Variants in MMP26 observed in about 807,000 individuals in gnomAD.
The protein encoded by MMP26 is matrix metallopeptidase 26, also known as matrix metalloproteinase-26.
MMP26 carries 33 observed loss-of-function variants against 31.0 expected under a neutral mutation model. The observed-to-expected ratio is 1.06, with a 90% confidence interval of 0.81 to 1.42. The LOEUF (loss-of-function observed/expected upper bound fraction) is 1.42, where lower values mean the gene tolerates loss of function less well. MMP26 is among the 40% of genes most tolerant of loss of function. MMP26 has a pLI of 0.00. For synonymous variants in MMP26, 122 were observed against 114.9 expected (o/e 1.06, Z -0.40); for missense variants, 347 against 316.1 (o/e 1.10, Z -0.74).
intron 2 of MMP26, among the ~76,000 whole-genome samples, chr11:4,935,779 A>G (rs2133595422): frequency 6.6e-6 from 1 of 151,528 alleles, no homozygotes; most frequent in East Asian, 1.9e-4. Context: ...GAGAGTTTTT[A>G]GCATGAAGAG....
chr11:4,847,183 T>C (rs1849883815), intron 2 of MMP26, among the ~76,000 whole-genome samples: 1 of 152,212 alleles, frequency 6.6e-6, no homozygotes, highest in Non-Finnish European at 1.5e-5. Flanking sequence ...AAACAAGTCA[T>C]GAGGACCACA....
intron 1 of MMP26, among the ~76,000 whole-genome samples, chr11:4,731,531 A>G (rs116709321): frequency 7.0e-4 from 107 of 152,334 alleles, no homozygotes; most frequent in African/African-American, 2.5e-3. Context: ...ATGTAAAGAC[A>G]GTTGTCAGTG....
At chr11:4,849,104 C>T (rs1849934478) in intron 2 of MMP26, 1 of 1,614,126 alleles carries the variant, frequency 6.2e-7, no homozygotes, top group African/African-American at 1.3e-5. Context: ...GGGGCAATGT[C>T]CACCAGGAGG....
intron 1 of MMP26, among the ~76,000 whole-genome samples, chr11:4,726,499 C>G (rs1176182532): frequency 2.0e-5 from 3 of 151,612 alleles, no homozygotes; most frequent in African/African-American, 7.3e-5. Flanking sequence ...TTTTCTTTTC[C>G]TTTTAGTTTT....
intron 2 of MMP26, among the ~76,000 whole-genome samples, chr11:4,856,488 A>G (rs111373898): frequency 0.039 from 5,974 of 152,298 alleles, 387 homozygotes; most frequent in African/African-American, 0.14. Context: ...CCATTACATA[A>G]TGGTAAAGGG....
chr11:4,924,202 G>T (rs1851233995), intron 2 of MMP26: 4 of 1,614,056 alleles, frequency 2.5e-6, no homozygotes, highest in Non-Finnish European at 3.4e-6. Flanking sequence ...CGTGGAGAAT[G>T]GTGAGGTTCC....
intron 2 of MMP26, among the ~76,000 whole-genome samples, chr11:4,893,824 C>T (rs1444499586): frequency 6.6e-6 from 1 of 151,890 alleles, no homozygotes; most frequent in Non-Finnish European, 1.5e-5. Context: ...CACAATGGCT[C>T]ACACCTGTAA....
intron 2 of MMP26, among the ~76,000 whole-genome samples, chr11:4,808,530 G>C (rs1272846384): frequency 1.3e-5 from 2 of 151,978 alleles, no homozygotes; most frequent in African/African-American, 2.4e-5. Context: ...AGCCTTAATG[G>C]AGAACTCTCC....
At chr11:4,991,702 T>C (rs964530465) in intron 6 of MMP26, among the ~76,000 whole-genome samples, 2 of 152,168 alleles carry the variant, frequency 1.3e-5, no homozygotes, top group Non-Finnish European at 2.9e-5. Flanking sequence ...TTGTGTTTTT[T>C]TCTCCTTATC....
intron 1 of MMP26, among the ~76,000 whole-genome samples, chr11:4,728,757 G>C (rs1297322579): frequency 6.6e-6 from 1 of 151,992 alleles, no homozygotes; most frequent in Non-Finnish European, 1.5e-5. Flanking sequence ...AAAGTGGTAA[G>C]CATCATTCCT....
At chr11:4,919,941 G>A (rs1020029045) in intron 2 of MMP26, among the ~76,000 whole-genome samples, 1 of 152,116 alleles carries the variant, frequency 6.6e-6, no homozygotes, top group Non-Finnish European at 1.5e-5. Flanking sequence ...CAGACATCCA[G>A]GAGCTAATTG....
chr11:4,924,437 G>C, intron 2 of MMP26: 1 of 1,283,396 alleles, frequency 7.8e-7, no homozygotes, highest in South Asian at 1.4e-5. Context: ...CCCAAGATCA[G>C]CCAGTAAGGA....
intron 2 of MMP26, among the ~76,000 whole-genome samples, chr11:4,773,737 G>T (rs1045429388): frequency 6.6e-6 from 1 of 151,802 alleles, no homozygotes; most frequent in Non-Finnish European, 1.5e-5. Context: ...CCATCACCTA[G>T]GTATTAAGCC....
chr11:4,729,352 G>T (rs75775180), intron 1 of MMP26, among the ~76,000 whole-genome samples: 4,377 of 152,240 alleles, frequency 0.029, 76 homozygotes, highest in Middle Eastern at 0.048. Flanking sequence ...ACATCCTCAT[G>T]GCTGGAATCT....
intron 2 of MMP26, among the ~76,000 whole-genome samples, chr11:4,863,333 C>T (rs933042008): frequency 6.6e-6 from 1 of 151,878 alleles, no homozygotes; most frequent in African/African-American, 2.4e-5. Context: ...AATTCTTATG[C>T]ATTCTTCCAT....
chr11:4,944,195 A>T, intron 2 of MMP26: 1 of 420,610 alleles, frequency 2.4e-6, no homozygotes, highest in South Asian at 1.7e-5. Flanking sequence ...GATTTTCTAC[A>T]CTAGGATAGG....
chr11:4,893,805 T>G (rs1321012056), intron 2 of MMP26, among the ~76,000 whole-genome samples: 1 of 152,114 alleles, frequency 6.6e-6, no homozygotes. Context: ...TATTAAAAGA[T>G]CTTGTTGGCA....
At chr11:4,725,236 C>G (rs1848083204) in intron 1 of MMP26, among the ~76,000 whole-genome samples, 1 of 152,160 alleles carries the variant, frequency 6.6e-6, no homozygotes, top group Non-Finnish European at 1.5e-5. Context: ...ATTACCCAGT[C>G]TCAGGTATTT....
intron 2 of MMP26, among the ~76,000 whole-genome samples, chr11:4,811,015 A>G (rs896146345): frequency 2.6e-5 from 4 of 152,226 alleles, no homozygotes; most frequent in African/African-American, 9.6e-5. Context: ...TATATGATAG[A>G]TGGTAATGAT....
Sources: gnomAD v4.1 joint callset for allele counts (sites outside exome capture counted in the v4.1 genomes callset) on GRCh38, gnomAD v4.1.1 for gene constraint, MANE v1.5 for transcripts, NCBI Gene and HGNC (gene_info 2026-07-23, HGNC 2026-07-21) for gene names.